FARP1: variants seen among roughly 807,000 people sequenced by gnomAD.
FARP1 encodes FERM, ARHGEF and pleckstrin domain-containing protein 1.
In FARP1, 52 loss-of-function variants were observed where a neutral mutation model predicts 128.8. The ratio of observed to expected loss-of-function variants is 0.40; its 90% CI spans 0.32 to 0.51. The LOEUF is 0.51. Ranked by LOEUF, FARP1 falls within the 20% of genes least tolerant of loss-of-function variation. FARP1 has a pLI of 0.45. For synonymous variants in FARP1, 580 were observed against 551.8 expected (o/e 1.05, Z -0.72); for missense variants, 1,333 against 1,367.9 (o/e 0.97, Z 0.40).
At chr13:98,248,975 C>T (rs527723399) in intron 2 of FARP1, among the ~76,000 whole-genome samples, 39 of 152,122 alleles carry the variant, frequency 2.6e-4, no homozygotes, top group African/African-American at 9.4e-4. Context: ...TACTTACTGG[C>T]CATTAATTCA....
intron 2 of FARP1, among the ~76,000 whole-genome samples, chr13:98,247,749 G>A (rs1287113408): frequency 2.0e-5 from 3 of 151,128 alleles, no homozygotes; most frequent in South Asian, 2.1e-4. Flanking sequence ...TAGATGATGC[G>A]GATTGGGAGC....
Position 98,164,176 on chromosome 13 carries a change from G to A in FARP1, c.-24+20684G>A, listed in dbSNP as rs551843686. Among the ~76,000 whole-genome samples the A allele has an allele frequency of 7.2e-5, 11 of 152,314 alleles. No individual in the cohort carries two copies. The South Asian group carries it at 2.3e-3, about 32-fold the overall frequency. On this transcript the variant is annotated intron_variant, in intron 1 of 26. Transcript: ENST00000319562. ...TAGCATGTAAGATTGTGCAGGAAAC[G>A]AAGGACAGAAAGGCCCAGGAAATTG...
intron 1 of FARP1, among the ~76,000 whole-genome samples, chr13:98,161,965 A>G (rs1402659675): frequency 6.6e-6 from 1 of 151,966 alleles, no homozygotes; most frequent in Non-Finnish European, 1.5e-5. Context: ...ATTTTTTTGT[A>G]GAGACAGAAG....
chr13:98,386,821 A>T (rs1890116020), intron 8 of FARP1, among the ~76,000 whole-genome samples: 1 of 152,226 alleles, frequency 6.6e-6, no homozygotes, highest in African/African-American at 2.4e-5. Context: ...AAAGAGTTCC[A>T]GTGATTCTCT....
rs561084984 is a variant in FARP1 at position 98,414,718 on chromosome 13, G to T, written c.1826+2684G>T. On this transcript the variant is annotated intron_variant, in intron 16 of 26. Transcript: ENST00000319562. ...TTGCCCTAAAATGCCTCATTAAAAA[G>T]AGCCCAGAGCCTAGAAAAGGATGGC... Among the ~76,000 whole-genome samples the T allele has an allele frequency of 3.1e-4, 47 of 152,278 alleles. 1 individual carries two copies. In the East Asian group the frequency reaches 7.7e-3, roughly 25 times the overall value.
intron 2 of FARP1, among the ~76,000 whole-genome samples, chr13:98,276,497 A>G (rs940247801): frequency 6.6e-6 from 1 of 152,238 alleles, no homozygotes; most frequent in Non-Finnish European, 1.5e-5. Context: ...TTGTACTGGT[A>G]CAGACAAAAG....
chr13:98,279,921 G>T (rs1295963383), intron 2 of FARP1, among the ~76,000 whole-genome samples: 1 of 152,018 alleles, frequency 6.6e-6, no homozygotes, highest in African/African-American at 2.4e-5. Context: ...TCTCCCCCAC[G>T]TTCTCCGCTG....
intron 2 of FARP1, chr13:98,244,684 C>T (rs1222656067): frequency 6.2e-7 from 1 of 1,613,988 alleles, no homozygotes; most frequent in Non-Finnish European, 8.5e-7. Flanking sequence ...GTCACAGTCA[C>T]TGAAGAGCTT....
intron 4 of FARP1, among the ~76,000 whole-genome samples, chr13:98,367,885 T>C (rs1316633022): frequency 6.6e-6 from 1 of 152,214 alleles, no homozygotes; most frequent in Non-Finnish European, 1.5e-5. Flanking sequence ...AATAGCTCTA[T>C]GTAGTACTTT....
intron 2 of FARP1, among the ~76,000 whole-genome samples, chr13:98,313,174 T>C (rs543366152): frequency 1.7e-5 from 2 of 118,090 alleles, no homozygotes; most frequent in African/African-American, 6.7e-5. Flanking sequence ...AATACACACA[T>C]ACACTCTGGA....
At chr13:98,442,658 A>G (rs949609774) in intron 24 of FARP1, among the ~76,000 whole-genome samples, 47 of 152,176 alleles carry the variant, frequency 3.1e-4, no homozygotes, top group African/African-American at 9.2e-4. Context: ...CGGGTCTGAG[A>G]CTTCTCCCAG....
At chr13:98,446,963 C>T (rs959407368) in intron 26 of FARP1, 146 bp downstream of exon 26, 19 of 782,390 alleles carry the variant, frequency 2.4e-5, no homozygotes, top group Non-Finnish European at 3.1e-5. Flanking sequence ...CTGCCCGACA[C>T]CAGCAGGCGA....
At chr13:98,439,891 G>A in intron 21 of FARP1, 70 bp from the exon 22 acceptor site, 2 of 1,146,450 alleles carry the variant, frequency 1.7e-6, no homozygotes, top group Non-Finnish European at 2.5e-6. Context: ...AAGTTGCCTG[G>A]CTGCCAGCTC....
At chr13:98,392,171 C>T (rs2140061121) in intron 11 of FARP1, among the ~76,000 whole-genome samples, 1 of 152,112 alleles carries the variant, frequency 6.6e-6, no homozygotes, top group South Asian at 2.1e-4. Context: ...CATATTACTG[C>T]ATCCCAAAAG....
chr13:98,435,787 A>G (rs747927223), intron 19 of FARP1, 81 bp downstream of exon 19: 2 of 1,464,076 alleles, frequency 1.4e-6, no homozygotes, highest in South Asian at 1.1e-5. Context: ...AACCTTTTGA[A>G]GAGAGACCCT....
intron 2 of FARP1, among the ~76,000 whole-genome samples, chr13:98,277,840 C>A (rs1157421808): frequency 6.6e-6 from 1 of 152,188 alleles, no homozygotes. Context: ...CAACTTCCAC[C>A]CCCCAGAAAT....
Position 98,451,917 on chromosome 13 carries a change from GGCAACCGCTACA to G in FARP1, c.*3605_*3616del, listed in dbSNP as rs1893214895. 1 of 152,042 alleles carries G rather than the reference GGCAACCGCTACA, an allele frequency of 6.6e-6. No homozygotes were observed. The highest frequency in any genetic ancestry group is 2.1e-4 in the South Asian group (1 of 4,814). The allele number at this position is 152,042 out of a possible 1,614,324, so 9.4% of individuals were successfully genotyped here. A position where few individuals can be genotyped will look rare whatever the true frequency, so the allele number is the denominator to read the frequency against. The stretch of plus-strand genomic sequence containing the variant: ...AAGCAAAATAACTCTTAAGGTCCCC[GGCAACCGCTACA>G]GCAATCGCACAGATCAGCAACCTCC... On this transcript the variant is annotated 3_prime_UTR_variant, in exon 27 of 27. Coordinates refer to ENST00000319562, the MANE Select transcript of FARP1 (RefSeq NM_005766.4).
rs556172438 is a variant in FARP1 at position 98,371,856 on chromosome 13, C to T, written c.398+3661C>T. Among the ~76,000 whole-genome samples, 6 of 152,160 alleles carry T rather than the reference C, an allele frequency of 3.9e-5. No homozygotes were observed. The South Asian group carries it at 1.0e-3, about 26-fold the overall frequency. On this transcript the variant is annotated intron_variant, in intron 5 of 26. Coordinates refer to ENST00000319562, the MANE Select transcript of FARP1 (RefSeq NM_005766.4). ...CTAGCTCTGTAGTTAATGCTTTGGG[C>T]CTCCAGGAATAGCTCTTTCAGCTTC...
chr13:98,395,340 G>C lies in FARP1; in HGVS notation c.1278G>C (p.Pro426=). 1 of 1,611,140 alleles carries C rather than the reference G, an allele frequency of 6.2e-7. No individual in the cohort carries two copies. Among genetic ancestry groups the C allele is most frequent in the East Asian group, 2.2e-5 (1 of 44,788 alleles). ...CCGCCGGGGAGCCGGGGTCGCACCC[G>C]AGCCCTGCGCCGAGGAGAAGCCCCG... ...KVSAGEPGSH[P]SPAPRRSPAG... is the part of the protein sequence containing the mutation. Residue 426 remains proline, a synonymous_variant, in exon 13 of 27, where the codon CCG becomes CCC. Transcript: ENST00000319562.
Sources: gnomAD v4.1 joint callset for allele counts (sites outside exome capture counted in the v4.1 genomes callset) on GRCh38, gnomAD v4.1.1 for gene constraint, MANE v1.5 for transcripts, NCBI Gene and HGNC (gene_info 2026-07-23, HGNC 2026-07-21) for gene names.